Variants in ADAMTS19 observed in about 807,000 individuals in gnomAD.
The protein encoded by ADAMTS19 is A disintegrin and metalloproteinase with thrombospondin motifs 19.
Under a neutral mutation model 153.3 loss-of-function variants are expected in ADAMTS19, and 93 were observed. The ratio of observed to expected loss-of-function variants is 0.61; its 90% CI spans 0.51 to 0.72. ADAMTS19 has a LOEUF of 0.72. ADAMTS19 is among the 30% of genes least tolerant of loss of function. ADAMTS19 has a pLI of 0.00. For synonymous variants in ADAMTS19, 600 were observed against 556.6 expected, an observed-to-expected ratio of 1.08 and a Z score of -1.10; for missense variants, 1,482 against 1,552.1, an observed-to-expected ratio of 0.95 and a Z score of 0.76.
intron 2 of ADAMTS19, among the ~76,000 whole-genome samples, chr5:129,491,061 G>C (rs568884271): frequency 1.8e-4 from 27 of 152,022 alleles, no homozygotes; most frequent in Non-Finnish European, 8.8e-5. Flanking sequence ...CAGTGGTGTG[G>C]CACGATCTCA....
At chr5:129,576,738 A>G (rs1192386796) in intron 7 of ADAMTS19, among the ~76,000 whole-genome samples, 3 of 152,128 alleles carry the variant, frequency 2.0e-5, no homozygotes, top group Admixed American at 2.0e-4. Context: ...TGATCTTTGC[A>G]GTAAATTCCC....
At chr5:129,686,201 G>C (rs1192837858) in intron 18 of ADAMTS19, among the ~76,000 whole-genome samples, 3 of 152,126 alleles carry the variant, frequency 2.0e-5, no homozygotes, top group Non-Finnish European at 4.4e-5. Context: ...AGTGAGTTTG[G>C]AAATTGCCAA....
At chr5:129,507,019 C>A (rs990512498) in intron 2 of ADAMTS19, among the ~76,000 whole-genome samples, 2 of 151,930 alleles carry the variant, frequency 1.3e-5, no homozygotes, top group Non-Finnish European at 2.9e-5. Context: ...AGTTCAGAAT[C>A]TTTTCTTGGA....
chr5:129,704,317 A>T lies in ADAMTS19; in HGVS notation c.3238A>T (p.Thr1080Ser). 6.2e-7 allele frequency: 1 copy of T among 1,614,110 alleles called. No homozygotes were observed. The highest frequency in any genetic ancestry group is 8.5e-7 in the Non-Finnish European group (1 of 1,179,994). Reference protein sequence around the residue: ...TNPRKKCVLSTRPREAEDCED... With the variant: ...TNPRKKCVLSSRPREAEDCED... Reference sequence around the variant, plus strand: ...CCCAAGAAAGAAGTGTGTCCTCTCTACCAGACCCAGGGAGGCTGAAGACTG... The same window carrying T: ...CCCAAGAAAGAAGTGTGTCCTCTCTTCCAGACCCAGGGAGGCTGAAGACTG... The change falls in exon 21 of 23, where the codon ACC (threonine) becomes TCC (serine). Residue 1080 changes from threonine to serine, a missense_variant. Thr to Ser is a moderately conservative substitution (Grantham distance 58). Around this residue, in one of 2 missense-constraint regions of ADAMTS19, gnomAD observed 616 missense variants for 724.4 expected, o/e 0.85. Coordinates refer to ENST00000274487, the MANE Select transcript of ADAMTS19 (RefSeq NM_133638.6).
chr5:129,678,331 T>G (rs30647), intron 16 of ADAMTS19, among the ~76,000 whole-genome samples: 3 of 151,954 alleles, frequency 2.0e-5, no homozygotes, highest in African/African-American at 7.2e-5. Flanking sequence ...TCACTAATTT[T>G]CTCAGTAAAT....
intron 7 of ADAMTS19, among the ~76,000 whole-genome samples, chr5:129,578,079 CATAT>C (rs1202434224): frequency 1.0e-4 from 9 of 88,460 alleles, no homozygotes; most frequent in Non-Finnish European, 1.7e-4. Flanking sequence ...CACACACACA[CATAT>C]ATACATATAC....
At chr5:129,611,704 G>A (rs1467546762) in intron 8 of ADAMTS19, among the ~76,000 whole-genome samples, 1 of 152,114 alleles carries the variant, frequency 6.6e-6, no homozygotes. Flanking sequence ...TTGTAGTTTA[G>A]TTTGAAGTCA....
intron 17 of ADAMTS19, among the ~76,000 whole-genome samples, chr5:129,683,216 T>G (rs1157293530): frequency 7.3e-6 from 1 of 137,192 alleles, no homozygotes; most frequent in Non-Finnish European, 1.6e-5. Flanking sequence ...ATTAACTCTT[T>G]CATTAAAATA....
At chr5:129,552,789 A>G (rs1753171920) in intron 7 of ADAMTS19, among the ~76,000 whole-genome samples, 2 of 152,008 alleles carry the variant, frequency 1.3e-5, no homozygotes, top group Non-Finnish European at 2.9e-5. Context: ...CATTAACCTA[A>G]TTTTTCATCA....
At chr5:129,477,521 T>A (rs1750264962) in intron 2 of ADAMTS19, among the ~76,000 whole-genome samples, 1 of 152,102 alleles carries the variant, frequency 6.6e-6, no homozygotes, top group African/African-American at 2.4e-5. Context: ...GTGTTTTAAG[T>A]TTAAGAATAT....
chr5:129,616,006 C>A (rs953882072), intron 8 of ADAMTS19, among the ~76,000 whole-genome samples: 14 of 151,950 alleles, frequency 9.2e-5, no homozygotes, highest in Admixed American at 7.9e-4. Context: ...ACGACAACGT[C>A]AAAAGGAATC....
At position 129,509,109 on chromosome 5, in the gene ADAMTS19, A is replaced by C. The variant is rs760035899; in HGVS notation, c.780A>C (p.Ile260=). The C allele has an allele frequency of 1.2e-6, 2 of 1,610,978 alleles. No individual in the cohort carries two copies. Among genetic ancestry groups the C allele is most frequent in the East Asian group, 2.2e-5 (1 of 44,752 alleles). ...MGFIQLNEDF[I]FIEPLNDTMA... ...TTATACAGCTCAATGAGGACTTCAT[A>C]TTTATTGAGCCACTCAATGATACAA... Residue 260 remains isoleucine, a synonymous_variant, in exon 3 of 23, where the codon ATA becomes ATC. Coordinates refer to ENST00000274487, the MANE Select transcript of ADAMTS19 (RefSeq NM_133638.6).
chr5:129,648,748 G>T (rs200633666), intron 12 of ADAMTS19, 50 bp from the exon 13 acceptor site: 1 of 1,486,308 alleles, frequency 6.7e-7, no homozygotes. Flanking sequence ...TAAAACCTAG[G>T]TAGTTAACAT....
At chr5:129,647,249 GC>G (rs1753107150) in intron 11 of ADAMTS19, among the ~76,000 whole-genome samples, 1 of 146,372 alleles carries the variant, frequency 6.8e-6, no homozygotes, top group Non-Finnish European at 1.5e-5. Context: ...AAAGGAAAGT[GC>G]TAAAATCAAA....
In ADAMTS19 at chr5:129,704,371, C is replaced by T. The variant is rs571986172; in HGVS notation, c.3292C>T (p.Arg1098Ter). 3.7e-6 allele frequency: 6 copies of T among 1,613,722 alleles called. No homozygotes were observed. Among genetic ancestry groups the T allele is most frequent in the Non-Finnish European group, 4.2e-6 (5 of 1,179,796 alleles). ...GGATTATTCAAAATGCTATGTGTGG[C>T]GAATGGGTGACTGGTCTAAGGTGAG... is the stretch of plus-strand genomic sequence containing the variant. The part of the protein sequence containing the change: ...CEDYSKCYVW[R>*]MGDWSKCSIT... Residue 1098 changes from arginine (R) to a stop codon, truncating the protein, a stop_gained, in exon 21 of 23, where the codon CGA (arginine) becomes TGA (stop). Transcript: ENST00000274487. LOFTEE classifies it high-confidence loss of function.
chr5:129,625,185 C>T (rs1204803716), intron 10 of ADAMTS19, among the ~76,000 whole-genome samples: 2 of 152,188 alleles, frequency 1.3e-5, no homozygotes, highest in Non-Finnish European at 2.9e-5. Context: ...TTTATGACTG[C>T]ATAGTATTCC....
intron 16 of ADAMTS19, among the ~76,000 whole-genome samples, chr5:129,668,567 C>T (rs148342100): frequency 5.9e-5 from 9 of 152,150 alleles, no homozygotes; most frequent in East Asian, 3.9e-4. Context: ...ATAAGGGCAG[C>T]GCTCTTATGA....
Position 129,695,340 on chromosome 5 carries a change from T to G in ADAMTS19, c.2954+485T>G, listed in dbSNP as rs527935067. On this transcript the variant is annotated intron_variant, in intron 19 of 22. Transcript: ENST00000274487. ...TTCCAGAAGCAAACTGCCCAATCCC[T>G]GATCTCTCACCACCAACTTTGTGAC... Among the ~76,000 whole-genome samples the G allele has an allele frequency of 3.3e-5, 5 of 152,280 alleles. No homozygotes were observed. In the South Asian group the frequency reaches 1.0e-3, roughly 32 times the overall value.
chr5:129,649,494 T>A (rs1753217861), intron 13 of ADAMTS19, among the ~76,000 whole-genome samples: 1 of 152,184 alleles, frequency 6.6e-6, no homozygotes, highest in African/African-American at 2.4e-5. Context: ...GATAATATTC[T>A]TGAAATTATA....
Sources: allele counts gnomAD v4.1 joint callset (sites outside exome capture counted in the v4.1 genomes callset), GRCh38; gene constraint gnomAD v4.1.1; regional missense constraint gnomAD v4.1.1; transcripts MANE v1.5; gene names NCBI Gene and HGNC (gene_info 2026-07-23, HGNC 2026-07-21).